The following CDH13 variants were observed in gnomAD, a reference collection of about 807,000 sequenced individuals.
CDH13 encodes cadherin-13.
A neutral mutation model predicts 63.8 loss-of-function variants in CDH13; 24 were observed. The observed-to-expected ratio is 0.38, with a 90% CI of 0.27 to 0.53. The LOEUF is 0.53. Ranked by LOEUF, CDH13 falls within the 20% of genes least tolerant of loss-of-function variation. The pLI is 0.85. For missense variants in CDH13, 1,049 were observed against 903.1 expected, an observed-to-expected ratio of 1.16 and a Z score of -2.07; for synonymous variants, 503 against 355.3, an observed-to-expected ratio of 1.42 and a Z score of -4.67.
intron 2 of CDH13, among the ~76,000 whole-genome samples, chr16:82,962,073 C>G (rs1328735525): frequency 1.3e-5 from 2 of 152,300 alleles, no homozygotes; most frequent in African/African-American, 4.8e-5. Context: ...TGTCAAATCC[C>G]AGGAGCCAGT....
chr16:83,096,829 T>C (rs531162465), intron 3 of CDH13, among the ~76,000 whole-genome samples: 24 of 152,302 alleles, frequency 1.6e-4, no homozygotes, highest in African/African-American at 5.8e-4. Flanking sequence ...AAAATGATGA[T>C]TTTTTTATAC....
intron 1 of CDH13, among the ~76,000 whole-genome samples, chr16:82,843,507 C>T (rs936366767): frequency 2.0e-5 from 3 of 152,170 alleles, no homozygotes; most frequent in Non-Finnish European, 2.9e-5. Flanking sequence ...TCCTTGCTTT[C>T]CACACCAATT....
chr16:83,320,837 T>C (rs1238848819), intron 5 of CDH13, among the ~76,000 whole-genome samples: 1 of 152,198 alleles, frequency 6.6e-6, no homozygotes, highest in Non-Finnish European at 1.5e-5. Context: ...TGGCTTAGGC[T>C]ACGAGAGTTG....
chr16:83,415,131 G>T (rs974751602), intron 6 of CDH13, among the ~76,000 whole-genome samples: 1 of 151,292 alleles, frequency 6.6e-6, no homozygotes, highest in African/African-American at 2.4e-5. Context: ...AGACCCCTAT[G>T]AACAGTTCCC....
At chr16:82,769,864 T>G (rs2035195886) in intron 1 of CDH13, among the ~76,000 whole-genome samples, 1 of 152,168 alleles carries the variant, frequency 6.6e-6, no homozygotes, top group African/African-American at 2.4e-5. Context: ...ACCTACGAAA[T>G]GTGACAGGAT....
intron 7 of CDH13, among the ~76,000 whole-genome samples, chr16:83,555,680 C>T (rs775906073): frequency 7.2e-4 from 110 of 152,170 alleles, no homozygotes; most frequent in African/African-American, 1.8e-3. Flanking sequence ...TTTTGAGAAA[C>T]GCAATCTGTT....
At chr16:82,848,885 G>C (rs924451575) in intron 1 of CDH13, among the ~76,000 whole-genome samples, 1 of 152,196 alleles carries the variant, frequency 6.6e-6, no homozygotes, top group African/African-American at 2.4e-5. Flanking sequence ...TAGGCTGAAA[G>C]CTAGGTTTCT....
At chr16:83,430,500 C>G (rs1326867019) in intron 6 of CDH13, among the ~76,000 whole-genome samples, 7 of 152,166 alleles carry the variant, frequency 4.6e-5, no homozygotes, top group Admixed American at 1.3e-4. Context: ...AATAGACTCC[C>G]TGAATTGAAA....
intron 1 of CDH13, among the ~76,000 whole-genome samples, chr16:82,758,000 C>G (rs758748304): frequency 2.6e-4 from 39 of 152,132 alleles, no homozygotes; most frequent in Non-Finnish European, 4.7e-4. Context: ...CTAGAAATCT[C>G]TCTGGCAAGT....
chr16:83,685,861 G>A (rs1350278999), intron 10 of CDH13, among the ~76,000 whole-genome samples: 1 of 152,116 alleles, frequency 6.6e-6, no homozygotes, highest in Non-Finnish European at 1.5e-5. Context: ...TAGGGAATAG[G>A]GTGCCAGACC....
chr16:83,697,742 C>T (rs1363893446), intron 10 of CDH13, among the ~76,000 whole-genome samples: 1 of 152,244 alleles, frequency 6.6e-6, no homozygotes, highest in East Asian at 1.9e-4. Context: ...CCACCTCCCA[C>T]GTTCAAGCAA....
intron 2 of CDH13, among the ~76,000 whole-genome samples, chr16:82,932,021 G>A (rs1365002055): frequency 1.3e-5 from 2 of 152,124 alleles, no homozygotes; most frequent in Non-Finnish European, 2.9e-5. Context: ...CTGGTAAATT[G>A]TACGATAGCT....
In CDH13 at chr16:83,590,550, C is replaced by T. The variant is rs181137872; in HGVS notation, c.961-11904C>T. Among the ~76,000 whole-genome samples, 417 of 151,880 alleles carry T rather than the reference C, an allele frequency of 2.7e-3. 1 individual carries two copies. The highest frequency in any genetic ancestry group is 4.4e-3 in the Non-Finnish European group (300 of 67,968). On this transcript the variant is annotated intron_variant, in intron 7 of 13. Coordinates refer to ENST00000567109, the MANE Select transcript of CDH13 (RefSeq NM_001257.5). ...CATCCATAACAAGATTGAAAGCAGG[C>T]GAGATGCTGTTTGGTGTCTTAGAGA...
intron 6 of CDH13, among the ~76,000 whole-genome samples, chr16:83,401,860 T>A (rs1532099): frequency 1 from 151,659 of 152,316 alleles, 75,510 homozygotes; most frequent in Middle Eastern, 1. Context: ...ACCTAGCTCT[T>A]TGTATAAACA....
intron 1 of CDH13, among the ~76,000 whole-genome samples, chr16:82,815,520 A>G (rs946850430): frequency 6.6e-6 from 1 of 152,148 alleles, no homozygotes; most frequent in African/African-American, 2.4e-5. Context: ...TACATGGGAG[A>G]TATTATTTCC....
chr16:83,743,660 T>A (rs12932507), intron 10 of CDH13, among the ~76,000 whole-genome samples: 20,418 of 151,914 alleles, frequency 0.13, 1,657 homozygotes, highest in African/African-American at 0.22. Context: ...TTTAAAACTT[T>A]CATTATTTCA....
chr16:82,983,035 A>T (rs1910485531), intron 2 of CDH13, among the ~76,000 whole-genome samples: 1 of 152,082 alleles, frequency 6.6e-6, no homozygotes, highest in Admixed American at 6.6e-5. Flanking sequence ...CAGATGCTGT[A>T]CTCTGAAGCC....
chr16:82,654,140 G>C lies in CDH13; in HGVS notation c.45+27003G>C, dbSNP rs563370121. On this transcript the variant is annotated intron_variant, in intron 1 of 13. Coordinates refer to ENST00000567109, the MANE Select transcript of CDH13 (RefSeq NM_001257.5). ...TCCGGCCTACACTGCACCAGCCAGT[G>C]GGGGAGGTCCTGAGAGATAGAGAAA... Among the ~76,000 whole-genome samples the C allele has an allele frequency of 2.3e-3, 350 of 152,286 alleles. 4 individuals are homozygous for C. The highest frequency in any genetic ancestry group is 7.9e-3 in the African/African-American group (330 of 41,558).
intron 6 of CDH13, among the ~76,000 whole-genome samples, chr16:83,392,923 AG>A (rs1380783476): frequency 7.7e-6 from 1 of 130,690 alleles, no homozygotes; most frequent in East Asian, 2.3e-4. Flanking sequence ...TGGAGGAGAG[AG>A]GTGAAGAGCT....
Sources: gnomAD v4.1 joint callset for allele counts (sites outside exome capture counted in the v4.1 genomes callset) on GRCh38, gnomAD v4.1.1 for gene constraint, MANE v1.5 for transcripts, NCBI Gene and HGNC (gene_info 2026-07-23, HGNC 2026-07-21) for gene names.